Variants in FSTL5 observed in about 807,000 individuals in gnomAD.
The protein encoded by FSTL5 is follistatin like 5, also known as follistatin-related protein 5.
Under a neutral mutation model 89.1 loss-of-function variants are expected in FSTL5, and 62 were observed. That is an observed-to-expected ratio of 0.70 (90% confidence interval 0.57 to 0.86). FSTL5 has a LOEUF of 0.86. FSTL5 is among the 40% of genes least tolerant of loss of function. The pLI, the probability that FSTL5 is intolerant of heterozygous loss-of-function variation, is 0.00. For missense variants in FSTL5, 1,057 were observed against 1,001.6 expected (o/e 1.06, Z -0.75); for synonymous variants, 383 against 346.2 (o/e 1.11, Z -1.18).
chr4:161,804,269 T>G (rs1729890191), intron 4 of FSTL5, among the ~76,000 whole-genome samples: 1 of 152,008 alleles, frequency 6.6e-6, no homozygotes, highest in Non-Finnish European at 1.5e-5. Context: ...CCCATAACTT[T>G]ACCTTCAATG....
At chr4:161,860,752 T>C (rs1731885387) in intron 4 of FSTL5, among the ~76,000 whole-genome samples, 1 of 152,174 alleles carries the variant, frequency 6.6e-6, no homozygotes, top group Non-Finnish European at 1.5e-5. Flanking sequence ...ACTTACATGG[T>C]CCACATTGCA....
chr4:161,895,240 A>C (rs1733118113), intron 4 of FSTL5, among the ~76,000 whole-genome samples: 1 of 152,230 alleles, frequency 6.6e-6, no homozygotes, highest in African/African-American at 2.4e-5. Context: ...TTTCCAAATA[A>C]TATGAGAAAT....
At chr4:161,491,635 G>C (rs1204129784) in intron 12 of FSTL5, among the ~76,000 whole-genome samples, 1 of 152,060 alleles carries the variant, frequency 6.6e-6, no homozygotes, top group Non-Finnish European at 1.5e-5. Context: ...GAGGTCAGGA[G>C]TTCAAGACCC....
chr4:161,670,730 G>A (rs556402813), intron 6 of FSTL5, among the ~76,000 whole-genome samples: 111 of 152,206 alleles, frequency 7.3e-4, no homozygotes, highest in African/African-American at 2.6e-3. Flanking sequence ...TAAAATACGG[G>A]GAATTGAACA....
chr4:161,691,244 A>G (rs1300194446), intron 6 of FSTL5, among the ~76,000 whole-genome samples: 1 of 151,976 alleles, frequency 6.6e-6, no homozygotes, highest in Non-Finnish European at 1.5e-5. Flanking sequence ...ATTCAACTTC[A>G]TTCTTCCACA....
chr4:161,748,602 G>T (rs1194675962), intron 6 of FSTL5, among the ~76,000 whole-genome samples: 1 of 127,162 alleles, frequency 7.9e-6, no homozygotes, highest in African/African-American at 3.0e-5. Context: ...CAAAGGGGAA[G>T]CACGTTTTTT....
chr4:161,833,455 T>C (rs201137003), intron 4 of FSTL5, among the ~76,000 whole-genome samples: 28,485 of 62,986 alleles, frequency 0.45, 6,012 homozygotes, highest in Non-Finnish European at 0.52. Flanking sequence ...TCTGTCTCGT[T>C]GATCTGTCTA....
chr4:162,036,114 G>C (rs149031626), intron 2 of FSTL5, among the ~76,000 whole-genome samples: 1 of 151,928 alleles, frequency 6.6e-6, no homozygotes. Context: ...TAGCAATCTC[G>C]TCTAATCTCT....
At chr4:161,695,518 G>A (rs1738123677) in intron 6 of FSTL5, among the ~76,000 whole-genome samples, 3 of 147,616 alleles carry the variant, frequency 2.0e-5, no homozygotes, top group Admixed American at 6.9e-5. Context: ...TCCACTTGTC[G>A]ATTGATGGGC....
intron 3 of FSTL5, among the ~76,000 whole-genome samples, chr4:161,971,438 T>G (rs1397305359): frequency 6.6e-6 from 1 of 152,110 alleles, no homozygotes; most frequent in East Asian, 1.9e-4. Context: ...ATTCCTTATA[T>G]TCACATCTAT....
At chr4:161,691,716 G>C (rs1737950035) in intron 6 of FSTL5, among the ~76,000 whole-genome samples, 1 of 151,996 alleles carries the variant, frequency 6.6e-6, no homozygotes, top group African/African-American at 2.4e-5. Context: ...GTAGTTCTAA[G>C]CATACAAGTC....
At position 162,045,656 on chromosome 4, in the gene FSTL5, C is replaced by T. The variant is rs558045536; in HGVS notation, c.127-11998G>A. ...CACATGCTATTTTTAAAAAATGACA[C>T]CGACAGACTTGCTTAACACCGGGCT... is the stretch of plus-strand genomic sequence containing the variant. On this transcript the variant is annotated intron_variant, in intron 2 of 15. Coordinates refer to ENST00000306100, the MANE Select transcript of FSTL5 (RefSeq NM_020116.5). Among the ~76,000 whole-genome samples the T allele has an allele frequency of 5.3e-5, 8 of 152,148 alleles. No homozygotes were observed. The East Asian group carries it at 1.4e-3, about 26-fold the overall frequency.
chr4:162,141,220 C>T lies in FSTL5; in HGVS notation c.-17+22395G>A, dbSNP rs997022858. On this transcript the variant is annotated intron_variant, in intron 1 of 15. Transcript: ENST00000306100. Reference sequence around the variant, plus strand: ...CAAGCTCCGCCTCCCGGGTTCACGCCATTCTCCTGCCTCAGCCTCCCGTGT... The same window carrying T: ...CAAGCTCCGCCTCCCGGGTTCACGCTATTCTCCTGCCTCAGCCTCCCGTGT... Among the ~76,000 whole-genome samples the T allele has an allele frequency of 2.0e-4, 19 of 97,320 alleles. 3 individuals are homozygous for T. Among genetic ancestry groups the T allele is most frequent in the Non-Finnish European group, 4.2e-4 (19 of 45,426 alleles). The allele number at this position is 97,320 out of a possible 152,430, so 63.8% of individuals were successfully genotyped here.
At chr4:161,880,188 C>A (rs886151976) in intron 4 of FSTL5, among the ~76,000 whole-genome samples, 1 of 151,958 alleles carries the variant, frequency 6.6e-6, no homozygotes, top group Non-Finnish European at 1.5e-5. Context: ...TTACTGCATG[C>A]AAATTTTAAA....
At chr4:162,040,125 C>T (rs1448922376) in intron 2 of FSTL5, among the ~76,000 whole-genome samples, 1 of 152,018 alleles carries the variant, frequency 6.6e-6, no homozygotes, top group African/African-American at 2.4e-5. Flanking sequence ...TCCCTTCTCT[C>T]TGATTGTAAT....
At chr4:161,762,662 T>G (rs2126792263) in intron 5 of FSTL5, among the ~76,000 whole-genome samples, 1 of 152,334 alleles carries the variant, frequency 6.6e-6, no homozygotes, top group African/African-American at 2.4e-5. Context: ...AGATACCATC[T>G]TATGATCTTG....
Position 161,594,868 on chromosome 4 carries a change from C to A in FSTL5, c.895-7293G>T, listed in dbSNP as rs575479829. On this transcript the variant is annotated intron_variant, in intron 7 of 15. Coordinates refer to ENST00000306100, the MANE Select transcript of FSTL5 (RefSeq NM_020116.5). The stretch of plus-strand genomic sequence containing the variant: ...TAAATATGTCGAGTGCTATGCCGAA[C>A]AATTTAAATGAAACATGAAATTTTA... 1.9e-4 allele frequency among the ~76,000 whole-genome samples: 29 copies of A among 151,712 alleles called. No individual in the cohort carries two copies. In the South Asian group the frequency reaches 5.8e-3, roughly 30 times the overall value.
At chr4:161,871,386 T>G (rs1732257322) in intron 4 of FSTL5, among the ~76,000 whole-genome samples, 1 of 152,134 alleles carries the variant, frequency 6.6e-6, no homozygotes, top group Non-Finnish European at 1.5e-5. Flanking sequence ...AAATTAATTA[T>G]TAATTTGTGG....
chr4:161,776,158 G>A, intron 4 of FSTL5, 84 bp from the exon 5 acceptor site: 1 of 690,544 alleles, frequency 1.4e-6, no homozygotes, highest in Non-Finnish European at 2.2e-6. Context: ...GTTATTTTAT[G>A]AATAACATAC....
Sources: allele counts gnomAD v4.1 joint callset (sites outside exome capture counted in the v4.1 genomes callset), GRCh38; gene constraint gnomAD v4.1.1; transcripts MANE v1.5; gene names NCBI Gene and HGNC (gene_info 2026-07-23, HGNC 2026-07-21).